Variants in PIN1 observed in about 807,000 individuals in gnomAD.
The protein encoded by PIN1 is peptidylprolyl cis/trans isomerase, NIMA-interacting 1, also known as peptidyl-prolyl cis-trans isomerase NIMA-interacting 1.
In PIN1, 8 loss-of-function variants were observed where a neutral mutation model predicts 19.9. The observed-to-expected ratio is 0.40, with a 90% CI of 0.24 to 0.72. PIN1 has a LOEUF of 0.72. PIN1 is among the 30% of genes least tolerant of loss of function. The pLI is 0.37. For synonymous variants in PIN1, 86 were observed against 90.8 expected (o/e 0.95, Z 0.30); for missense variants, 185 against 226.5 (o/e 0.82, Z 1.18).
chr19:9,840,856 C>T (rs541787572), intron 2 of PIN1, among the ~76,000 whole-genome samples: 7 of 152,250 alleles, frequency 4.6e-5, no homozygotes, highest in African/African-American at 1.4e-4. Context: ...CTCAGCCTCC[C>T]GAAGTGTTGG....
Position 9,849,341 on chromosome 19 carries a change from G to T in PIN1, c.*142G>T, listed in dbSNP as rs1446724851. 2 of 730,246 alleles carry T rather than the reference G, an allele frequency of 2.7e-6. No individual in the cohort carries two copies. The highest frequency in any genetic ancestry group is 4.9e-6 in the Non-Finnish European group (2 of 409,278). The allele number at this position is 730,246 out of a possible 1,614,324, so 45.2% of individuals were successfully genotyped here. A position where few individuals can be genotyped will look rare whatever the true frequency, so the allele number is the denominator to read the frequency against. ...TTATTGTTCCCACAATGGCTGGGAG[G>T]GGGCCCTTCCAGATTGGGGGCCCTG... On this transcript the variant is annotated 3_prime_UTR_variant, in exon 4 of 4. Coordinates refer to ENST00000247970, the MANE Select transcript of PIN1 (RefSeq NM_006221.4).
At chr19:9,847,519 G>A (rs1041579063) in intron 2 of PIN1, among the ~76,000 whole-genome samples, 28 of 152,226 alleles carry the variant, frequency 1.8e-4, no homozygotes, top group African/African-American at 6.5e-4. Flanking sequence ...GTTCTTCCCA[G>A]ATGGGACAGC....
At position 9,848,107 on chromosome 19, in the gene PIN1, A is replaced by C; in HGVS notation, c.349A>C (p.Lys117Gln). The change falls in exon 3 of 4, where the codon AAG becomes CAG. Residue 117 changes from lysine to glutamine, a missense_variant. By Grantham distance (53) the Lys-to-Gln change is moderately conservative. Coordinates refer to ENST00000247970, the MANE Select transcript of PIN1 (RefSeq NM_006221.4). Reference protein sequence around the residue: ...ASQFSDCSSAKARGDLGAFSR... With the variant: ...ASQFSDCSSAQARGDLGAFSR... Reference sequence around the variant, plus strand: ...ACAGTTCAGCGACTGCAGCTCAGCCAAGGCCAGGGGAGACCTGGGTGCCTT... The same window carrying C: ...ACAGTTCAGCGACTGCAGCTCAGCCCAGGCCAGGGGAGACCTGGGTGCCTT... The C allele has an allele frequency of 6.2e-7, 1 of 1,613,158 alleles. No homozygotes were observed. The highest frequency in any genetic ancestry group is 8.5e-7 in the Non-Finnish European group (1 of 1,179,166).
rs1381198362 is a variant in PIN1, at chr19:9,849,493, G to A, written c.*294G>A. 4.4e-6 allele frequency: 3 copies of A among 685,340 alleles called. No homozygotes were observed. Among genetic ancestry groups the A allele is most frequent in the Non-Finnish European group, 8.2e-6 (3 of 366,656 alleles). The allele number at this position is 685,340 out of a possible 1,614,324, so 42.5% of individuals were successfully genotyped here. ...AGTGTGGTGGGAGGGGTGTTCCAAA[G>A]AGAAGGCCTGGTCAGCAGAGCCGCC... On this transcript the variant is annotated 3_prime_UTR_variant, in exon 4 of 4. Coordinates refer to ENST00000247970, the MANE Select transcript of PIN1 (RefSeq NM_006221.4).
At chr19:9,841,544 T>C (rs1439606303) in intron 2 of PIN1, among the ~76,000 whole-genome samples, 1 of 152,090 alleles carries the variant, frequency 6.6e-6, no homozygotes, top group Non-Finnish European at 1.5e-5. Flanking sequence ...AGGAGGGTCC[T>C]TGTCAGGTGA....
chr19:9,841,011 G>C (rs1183637395), intron 2 of PIN1, among the ~76,000 whole-genome samples: 5 of 152,214 alleles, frequency 3.3e-5, no homozygotes, highest in Admixed American at 3.3e-4. Flanking sequence ...CCTGGCATCG[G>C]TAAATGTTCT....
At chr19:9,844,125 C>G (rs2046195839) in intron 2 of PIN1, among the ~76,000 whole-genome samples, 1 of 152,172 alleles carries the variant, frequency 6.6e-6, no homozygotes, top group Non-Finnish European at 1.5e-5. Flanking sequence ...GTTACTTCCC[C>G]AAAGTCCCCA....
chr19:9,842,240 C>A (rs912949835), intron 2 of PIN1, among the ~76,000 whole-genome samples: 2 of 152,064 alleles, frequency 1.3e-5, no homozygotes, highest in African/African-American at 4.8e-5. Flanking sequence ...ATAGAGAGGA[C>A]TGGGTGATGG....
intron 2 of PIN1, among the ~76,000 whole-genome samples, chr19:9,839,493 C>T (rs1442659216): frequency 6.6e-6 from 1 of 152,060 alleles, no homozygotes. Flanking sequence ...AAGCTATTCC[C>T]TGCTCTGTTC....
intron 2 of PIN1, among the ~76,000 whole-genome samples, chr19:9,839,974 T>C (rs1432167488): frequency 1.3e-5 from 2 of 152,208 alleles, no homozygotes; most frequent in Admixed American, 1.3e-4. Context: ...CACTCCAGCC[T>C]GGGTGACAGA....
chr19:9,848,056 G>A lies in PIN1; in HGVS notation c.298G>A (p.Glu100Lys). The change falls in exon 3 of 4, where the codon GAG (glutamate) becomes AAG (lysine). Residue 100 changes from glutamate (E) to lysine (K), a missense_variant. Glu to Lys is a moderately conservative substitution (Grantham distance 56). Transcript: ENST00000247970. Reference protein sequence around the residue: ...NGYIQKIKSGEEDFESLASQF... With the variant: ...NGYIQKIKSGKEDFESLASQF... ...CTACATCCAGAAGATCAAGTCGGGA[G>A]AGGAGGACTTTGAGTCTCTGGCCTC... 6.2e-7 allele frequency: 1 copy of A among 1,612,510 alleles called. No homozygotes were observed. The highest frequency in any genetic ancestry group is 8.5e-7 in the Non-Finnish European group (1 of 1,178,672).
intron 2 of PIN1, among the ~76,000 whole-genome samples, chr19:9,843,919 G>T (rs118103128): frequency 0.013 from 2,007 of 152,158 alleles, 34 homozygotes; most frequent in South Asian, 0.042. Flanking sequence ...ATGTAGTGGC[G>T]CACACCTGTG....
Position 9,846,602 on chromosome 19 carries a change from C to T in PIN1, c.272-1428C>T, listed in dbSNP as rs1384352060. Among the ~76,000 whole-genome samples the T allele has an allele frequency of 2.0e-5, 3 of 152,050 alleles. No homozygotes were observed. The highest frequency in any genetic ancestry group is 2.1e-4 in the South Asian group (1 of 4,822). On this transcript the variant is annotated intron_variant, in intron 2 of 3. Transcript: ENST00000247970. This position sits in a 1 kb window ranked among gnomAD's most constrained non-coding sequence, Gnocchi z 5.9. ...TCCCAAGCAGGTTAGAGCGTGAGGC[C>T]GAGGGGCCCTGGGGACACTTGGATC...
At chr19:9,847,587 TGCCCAGGGG>T (rs1035772488) in intron 2 of PIN1, among the ~76,000 whole-genome samples, 5 of 152,210 alleles carry the variant, frequency 3.3e-5, no homozygotes, top group African/African-American at 1.2e-4. Context: ...CTCCCACCTC[TGCCCAGGGG>T]GCCCGGGGGG....
At chr19:9,841,414 T>C (rs996895644) in intron 2 of PIN1, among the ~76,000 whole-genome samples, 1 of 152,138 alleles carries the variant, frequency 6.6e-6, no homozygotes, top group African/African-American at 2.4e-5. Context: ...GAAGGATTCC[T>C]GGCACAGGAC....
At chr19:9,847,707 T>TGTGC (rs1555722194) in intron 2 of PIN1, among the ~76,000 whole-genome samples, 3 of 49,658 alleles carry the variant, frequency 6.0e-5, no homozygotes, top group Admixed American at 3.3e-4. Context: ...TGTGTGTGCA[T>TGTGC]GTGTGTGTGC....
Position 9,849,616 on chromosome 19 carries a change from GCCCAGC to G in PIN1, c.*419_*424del, listed in dbSNP as rs903258217. The G allele has an allele frequency of 5.7e-6, 3 of 530,058 alleles. No homozygotes were observed. The highest frequency in any genetic ancestry group is 1.1e-5 in the Non-Finnish European group (3 of 268,140). 32.8% of individuals were successfully genotyped at this position (530,058 alleles called of 1,614,324 possible). ...AGTCGCAAAGGTGAACACTCATGCG[GCCCAGC>G]CATGGGCCCTCTGAGCAACTGTGCA... On this transcript the variant is annotated 3_prime_UTR_variant, in exon 4 of 4. Transcript: ENST00000247970.
At position 9,838,535 on chromosome 19, in the gene PIN1, C is replaced by T. The variant is rs992393569; in HGVS notation, c.158C>T (p.Ala53Val). The T allele has an allele frequency of 2.5e-6, 4 of 1,594,296 alleles. No homozygotes were observed. Among genetic ancestry groups the T allele is most frequent in the Non-Finnish European group, 3.4e-6 (4 of 1,172,158 alleles). Residue 53 changes from alanine (A) to valine (V), a missense_variant, in exon 2 of 4, where the codon GCC becomes GTC. Ala to Val is a moderately conservative substitution (Grantham distance 64, BLOSUM62 0). Coordinates refer to ENST00000247970, the MANE Select transcript of PIN1 (RefSeq NM_006221.4). This position sits in a 1 kb window ranked among gnomAD's most constrained non-coding sequence, Gnocchi z 5.8. Reference sequence around the variant, plus strand: ...GGCAAAAACGGGCAGGGGGAGCCTGCCAGGGTCCGCTGCTCGCACCTGCTG... The same window carrying T: ...GGCAAAAACGGGCAGGGGGAGCCTGTCAGGGTCCGCTGCTCGCACCTGCTG... ...SGGKNGQGEP[A>V]RVRCSHLLVK...
At position 9,849,090 on chromosome 19, in the gene PIN1, G is replaced by A; in HGVS notation, c.383G>A (p.Gly128Asp). The A allele has an allele frequency of 6.2e-7, 1 of 1,609,840 alleles. No individual in the cohort carries two copies. The highest frequency in any genetic ancestry group is 8.5e-7 in the Non-Finnish European group (1 of 1,176,308). The change falls in exon 4 of 4, where the codon GGT becomes GAT. Residue 128 changes from glycine to aspartate, a missense_variant and splice_region_variant. Coordinates refer to ENST00000247970, the MANE Select transcript of PIN1 (RefSeq NM_006221.4). ...ARGDLGAFSR[G>D]QMQKPFEDAS... ...CCCCACCGCCCCTCCTGGCTCCCAGGTCAGATGCAGAAGCCATTTGAAGAC... is the reference window on the plus strand; with the variant it reads ...CCCCACCGCCCCTCCTGGCTCCCAGATCAGATGCAGAAGCCATTTGAAGAC...
Sources: allele counts gnomAD v4.1 joint callset (sites outside exome capture counted in the v4.1 genomes callset), GRCh38; gene constraint gnomAD v4.1.1; non-coding constraint Gnocchi (gnomAD v3.1); transcripts MANE v1.5; gene names NCBI Gene and HGNC (gene_info 2026-07-23, HGNC 2026-07-21).